NKAIN2: variants seen among roughly 807,000 people sequenced by gnomAD.
The protein encoded by NKAIN2 is sodium/potassium transporting ATPase interacting 2, also known as sodium/potassium-transporting ATPase subunit beta-1-interacting protein 2.
A neutral mutation model predicts 32.6 loss-of-function variants in NKAIN2; 14 were observed. That is an observed-to-expected ratio of 0.43 (90% confidence interval 0.28 to 0.67). The LOEUF (loss-of-function observed/expected upper bound fraction) is 0.67. Ranked by LOEUF, NKAIN2 falls within the 30% of genes least tolerant of loss-of-function variation. The pLI is 0.17. For missense variants in NKAIN2, 198 were observed against 258.3 expected (o/e 0.77, Z 1.60); for synonymous variants, 80 against 87.2 (o/e 0.92, Z 0.46).
chr6:124,524,402 C>A (rs1025530857), intron 3 of NKAIN2, among the ~76,000 whole-genome samples: 79 of 152,174 alleles, frequency 5.2e-4, no homozygotes, highest in African/African-American at 1.9e-3. Context: ...TTATGTAATT[C>A]ATTTACTATA....
At chr6:124,677,523 T>C (rs574224455) in intron 4 of NKAIN2, among the ~76,000 whole-genome samples, 55 of 152,310 alleles carry the variant, frequency 3.6e-4, no homozygotes, top group African/African-American at 1.3e-3. Context: ...TTATGGTTAC[T>C]ATGAGATTTA....
In NKAIN2 at chr6:124,355,221, T is replaced by C. The variant is rs199920570; in HGVS notation, c.193-46T>C. The C allele has an allele frequency of 8.3e-4, 1,051 of 1,272,042 alleles. 2 individuals are homozygous for C. Among genetic ancestry groups the C allele is most frequent in the Non-Finnish European group, 1.0e-3 (907 of 872,360 alleles). 78.8% of individuals were successfully genotyped at this position (1,272,042 alleles called of 1,614,324 possible). On this transcript the variant is annotated intron_variant, in intron 2 of 6. Transcript: ENST00000368417. ...TCGTTTTATTTGAATCATACTCAACTGATTCCAAATTAATTATACGTTATT... is the reference window on the plus strand; with the variant it reads ...TCGTTTTATTTGAATCATACTCAACCGATTCCAAATTAATTATACGTTATT...
intron 2 of NKAIN2, among the ~76,000 whole-genome samples, chr6:124,295,341 A>G (rs538857981): frequency 4.2e-4 from 64 of 151,816 alleles, no homozygotes; most frequent in African/African-American, 1.5e-3. Flanking sequence ...TCTTCTTTTA[A>G]TGCAATAAAT....
At chr6:124,760,031 A>G (rs1778186457) in intron 4 of NKAIN2, among the ~76,000 whole-genome samples, 1 of 152,104 alleles carries the variant, frequency 6.6e-6, no homozygotes, top group African/African-American at 2.4e-5. Flanking sequence ...ACTGTGTAAC[A>G]GTGAAAGCTT....
chr6:124,026,473 A>G (rs1191396990), intron 1 of NKAIN2, among the ~76,000 whole-genome samples: 2 of 152,164 alleles, frequency 1.3e-5, no homozygotes, highest in Non-Finnish European at 2.9e-5. Context: ...GTAAGCTATA[A>G]TATTTACTAG....
chr6:124,412,640 C>T (rs972450012), intron 3 of NKAIN2, among the ~76,000 whole-genome samples: 2 of 152,198 alleles, frequency 1.3e-5, no homozygotes, highest in African/African-American at 2.4e-5. Flanking sequence ...CTTGAGGAGG[C>T]AGTCTGCCCA....
intron 1 of NKAIN2, among the ~76,000 whole-genome samples, chr6:124,055,786 A>G (rs1168163120): frequency 6.6e-6 from 1 of 152,072 alleles, no homozygotes; most frequent in Non-Finnish European, 1.5e-5. Flanking sequence ...ATTAACAAAA[A>G]TGTGCATTAT....
intron 2 of NKAIN2, among the ~76,000 whole-genome samples, chr6:124,332,435 T>A (rs1489436567): frequency 6.6e-6 from 1 of 152,180 alleles, no homozygotes; most frequent in Non-Finnish European, 1.5e-5. Context: ...TTTAAATTTG[T>A]ACATTTTTGG....
intron 1 of NKAIN2, among the ~76,000 whole-genome samples, chr6:124,076,520 T>A (rs192576599): frequency 2.0e-4 from 31 of 152,328 alleles, no homozygotes; most frequent in African/African-American, 7.5e-4. Flanking sequence ...AGTCAAGAGC[T>A]GATGAAGGAA....
At chr6:123,966,388 G>A (rs1778083564) in intron 1 of NKAIN2, among the ~76,000 whole-genome samples, 1 of 152,098 alleles carries the variant, frequency 6.6e-6, no homozygotes, top group Admixed American at 6.6e-5. Flanking sequence ...AGTCTAGGCA[G>A]CACATAAGAG....
Position 124,559,834 on chromosome 6 carries a change from AT to A in NKAIN2, c.274-98325del, listed in dbSNP as rs55701016. On this transcript the variant is annotated intron_variant, in intron 3 of 6. Transcript: ENST00000368417. ...GTGGAAGGCGAGTAAGAAATAAACCATTTTTTTTTTTTTTTTTTTTTTTTTT... is the reference window on the plus strand; with the variant it reads ...GTGGAAGGCGAGTAAGAAATAAACCATTTTTTTTTTTTTTTTTTTTTTTTT... 1.6e-3 allele frequency among the ~76,000 whole-genome samples: 118 copies of A among 73,786 alleles called. 1 individual carries two copies. Among genetic ancestry groups the A allele is most frequent in the African/African-American group, 5.0e-3 (93 of 18,470 alleles). 48.4% of individuals were successfully genotyped at this position (73,786 alleles called of 152,430 possible). A position where few individuals can be genotyped will look rare whatever the true frequency, so the allele number is the denominator to read the frequency against.
intron 1 of NKAIN2, among the ~76,000 whole-genome samples, chr6:123,931,190 A>G (rs535746047): frequency 6.6e-6 from 1 of 151,074 alleles, no homozygotes; most frequent in African/African-American, 2.4e-5. Context: ...CTCATCTGAA[A>G]CAGTTCAATA....
chr6:124,247,235 T>G (rs948591995), intron 1 of NKAIN2, among the ~76,000 whole-genome samples: 1 of 152,096 alleles, frequency 6.6e-6, no homozygotes, highest in Admixed American at 6.6e-5. Flanking sequence ...GTTTAGTGAT[T>G]GTGCCACCCC....
intron 1 of NKAIN2, among the ~76,000 whole-genome samples, chr6:124,097,052 T>G (rs760435549): frequency 6.6e-5 from 10 of 152,122 alleles, no homozygotes; most frequent in Non-Finnish European, 1.3e-4. Flanking sequence ...GGTACTTGAT[T>G]ATACTTGAAA....
chr6:124,105,981 A>G (rs1456317043), intron 1 of NKAIN2, among the ~76,000 whole-genome samples: 1 of 152,182 alleles, frequency 6.6e-6, no homozygotes, highest in Non-Finnish European at 1.5e-5. Flanking sequence ...GGCAGATGGA[A>G]TTTGAGTAAT....
At chr6:124,248,766 A>T (rs918197128) in intron 1 of NKAIN2, among the ~76,000 whole-genome samples, 1 of 152,148 alleles carries the variant, frequency 6.6e-6, no homozygotes, top group African/African-American at 2.4e-5. Context: ...TGGTTATACA[A>T]GGCATGCTTC....
At chr6:123,985,744 A>C (rs1410516004) in intron 1 of NKAIN2, among the ~76,000 whole-genome samples, 1 of 152,194 alleles carries the variant, frequency 6.6e-6, no homozygotes, top group Non-Finnish European at 1.5e-5. Context: ...TTGAGGGTGC[A>C]AGAGTTGCAT....
At chr6:124,535,360 T>C (rs1779676673) in intron 3 of NKAIN2, among the ~76,000 whole-genome samples, 1 of 152,232 alleles carries the variant, frequency 6.6e-6, no homozygotes, top group South Asian at 2.1e-4. Flanking sequence ...ATTTTTAAAT[T>C]TGTAGTTCAA....
intron 2 of NKAIN2, among the ~76,000 whole-genome samples, chr6:124,343,607 CTT>C (rs1300840247): frequency 6.6e-6 from 1 of 151,760 alleles, no homozygotes; most frequent in African/African-American, 2.4e-5. Context: ...TTTCATGTGT[CTT>C]TTGGCTGCAT....
Sources: allele counts gnomAD v4.1 joint callset (sites outside exome capture counted in the v4.1 genomes callset), GRCh38; gene constraint gnomAD v4.1.1; transcripts MANE v1.5; gene names NCBI Gene and HGNC (gene_info 2026-07-23, HGNC 2026-07-21).